The following DST variants were observed in gnomAD, a reference collection of about 807,000 sequenced individuals.
DST encodes the protein dystonin, also known as bullous pemphigoid antigen.
DST carries 253 observed loss-of-function variants against 875.2 expected under a neutral mutation model. The ratio of observed to expected loss-of-function variants is 0.29; its 90% CI spans 0.26 to 0.32. The LOEUF is 0.32. Among genes scored for constraint, DST ranks in the 10% least tolerant of loss-of-function variants. The probability of loss-of-function intolerance (pLI) is 1.00; values close to 1 mark genes in which losing one functional copy is unlikely to be tolerated. For missense variants in DST, 8,287 were observed against 9,111.6 expected, an observed-to-expected ratio of 0.91 and a Z score of 3.68; for synonymous variants, 3,124 against 3,197.1, an observed-to-expected ratio of 0.98 and a Z score of 0.77.
At chr6:56,903,051 G>C (rs929780414) in intron 2 of DST, among the ~76,000 whole-genome samples, 1 of 150,412 alleles carries the variant, frequency 6.6e-6, no homozygotes, top group African/African-American at 2.5e-5. Context: ...CCAGAGTTTA[G>C]TTTGACCACT....
At chr6:56,567,093 G>A (rs2097692263) in intron 55 of DST, among the ~76,000 whole-genome samples, 1 of 152,108 alleles carries the variant, frequency 6.6e-6, no homozygotes, top group South Asian at 2.1e-4. Flanking sequence ...GGAACCAAAG[G>A]TCCATTGCTT....
intron 69 of DST, among the ~76,000 whole-genome samples, chr6:56,520,054 A>C (rs768675124): frequency 5.9e-5 from 9 of 152,218 alleles, no homozygotes; most frequent in Non-Finnish European, 1.2e-4. Context: ...AAGAATATAC[A>C]GTATAAAGAA....
chr6:56,508,558 C>T lies in DST; in HGVS notation c.19210G>A (p.Val6404Ile), dbSNP rs773401291. 1 of 1,613,794 alleles carries T rather than the reference C, an allele frequency of 6.2e-7. No homozygotes were observed. Residue 6404 changes from valine (V) to isoleucine (I), a missense_variant, in exon 75 of 104, where the codon GTA (valine) becomes ATA (isoleucine). Around this residue, in one of 10 missense-constraint regions of DST, gnomAD observed 1,292 missense variants for 1,552.7 expected, o/e 0.83. Transcript: ENST00000680361. Reference protein sequence around the residue: ...DLEDPGIDPSVVKQQQEAAET... With the variant: ...DLEDPGIDPSIVKQQQEAAET... ...GCTGCTTCTTGCTGTTGTTTTACTA[C>T]TGAAGGATCAATTCCAGGATCTTCC...
At chr6:56,801,742 C>A (rs1165490722) in intron 4 of DST, among the ~76,000 whole-genome samples, 1 of 146,990 alleles carries the variant, frequency 6.8e-6, no homozygotes, top group African/African-American at 2.5e-5. Flanking sequence ...ACAAGTCACA[C>A]AATAATTTTT....
chr6:56,546,526 G>A (rs1400589494), intron 61 of DST, among the ~76,000 whole-genome samples: 1 of 148,994 alleles, frequency 6.7e-6, no homozygotes, highest in African/African-American at 2.5e-5. Context: ...TTAAAATACT[G>A]ACAAAAGAAA....
At position 56,563,245 on chromosome 6, in the gene DST, T is replaced by C. The variant is rs555197110; in HGVS notation, c.14006-1045A>G. The stretch of plus-strand genomic sequence containing the variant: ...CTATTTCTCCACATCCTCTCCGGCA[T>C]CTGTTGTTTCCTGACTTTTTAATGA... On this transcript the variant is annotated intron_variant, in intron 55 of 103. Coordinates refer to ENST00000680361, the MANE Select transcript of DST (RefSeq NM_001374736.1). Among the ~76,000 whole-genome samples, 425 of 152,240 alleles carry C rather than the reference T, an allele frequency of 2.8e-3. 1 individual carries two copies. Among genetic ancestry groups the C allele is most frequent in the Non-Finnish European group, 4.1e-3 (281 of 68,006 alleles).
At chr6:56,623,313 C>A (rs2098706876) in intron 36 of DST, among the ~76,000 whole-genome samples, 1 of 152,038 alleles carries the variant, frequency 6.6e-6, no homozygotes, top group Non-Finnish European at 1.5e-5. Flanking sequence ...TATTTAACTA[C>A]TGCATATTCA....
Position 56,604,153 on chromosome 6 carries a change from A to T in DST, c.10475T>A (p.Ile3492Asn), listed in dbSNP as rs1373831636. 6.3e-7 allele frequency: 1 copy of T among 1,590,350 alleles called. No homozygotes were observed. Among genetic ancestry groups the T allele is most frequent in the Non-Finnish European group, 8.6e-7 (1 of 1,166,570 alleles). The change falls in exon 40 of 104, where the codon ATT (isoleucine) becomes AAT (asparagine). Residue 3492 changes from isoleucine to asparagine, a missense_variant. Transcript: ENST00000680361. Reference sequence around the variant, plus strand: ...TCCATCAGCAAGCAGTTTGTAGAAAATATTTTCAAGCTGCAGTGGAAGTAC... The same window carrying T: ...TCCATCAGCAAGCAGTTTGTAGAAATTATTTTCAAGCTGCAGTGGAAGTAC... ...SKVLPLQLEN[I>N]FYKLLADGYS...
At chr6:56,753,432 G>A (rs1247089468) in intron 4 of DST, among the ~76,000 whole-genome samples, 2 of 152,114 alleles carry the variant, frequency 1.3e-5, no homozygotes, top group Non-Finnish European at 2.9e-5. Context: ...ATTGGCTAAA[G>A]CAACAGTCTT....
intron 9 of DST, among the ~76,000 whole-genome samples, chr6:56,672,678 T>C (rs747989755): frequency 6.6e-6 from 1 of 152,052 alleles, no homozygotes; most frequent in African/African-American, 2.4e-5. Flanking sequence ...ACTTGTAAAA[T>C]GATGATGATA....
chr6:56,857,073 A>T (rs1468919538), intron 3 of DST, among the ~76,000 whole-genome samples: 1 of 151,762 alleles, frequency 6.6e-6, no homozygotes, highest in Admixed American at 6.6e-5. Context: ...GTGCAGAGAC[A>T]TGATCATAGC....
intron 98 of DST, 81 bp downstream of exon 98, chr6:56,468,900 GC>G (rs2094727977): frequency 1.7e-6 from 2 of 1,145,916 alleles, no homozygotes; most frequent in Non-Finnish European, 2.5e-6. Flanking sequence ...GGAAAGATTG[GC>G]CATGGCAAGC....
At chr6:56,913,427 T>C (rs935006175) in intron 2 of DST, among the ~76,000 whole-genome samples, 2 of 152,192 alleles carry the variant, frequency 1.3e-5, no homozygotes, top group Non-Finnish European at 2.9e-5. Context: ...AAACTATCAC[T>C]CTTCGGACAA....
intron 61 of DST, among the ~76,000 whole-genome samples, chr6:56,548,439 G>T (rs1016320399): frequency 6.6e-6 from 1 of 152,232 alleles, no homozygotes; most frequent in Non-Finnish European, 1.5e-5. Context: ...CAGAAGACCT[G>T]ATTGGCTGTT....
Position 56,604,443 on chromosome 6 carries a change from T to G in DST, c.10185A>C (p.Thr3395=), listed in dbSNP as rs1435483644. The part of the protein sequence containing the change: ...LIQNLIKRIT[T]SQLVNEASTV... ...TAGATGCCTCATTTACCAACTGTGA[T>G]GTGGTAATCCTTTTAATTAAATTTT... Residue 3395 remains threonine, a synonymous_variant, in exon 40 of 104, where the codon ACA becomes ACC. Transcript: ENST00000680361. The G allele has an allele frequency of 3.7e-6, 6 of 1,609,272 alleles. No homozygotes were observed. The highest frequency in any genetic ancestry group is 5.1e-6 in the Non-Finnish European group (6 of 1,177,220).
chr6:56,460,358 T>C (rs2094265412), intron 102 of DST, 104 bp from the exon 103 acceptor site: 14 of 1,243,484 alleles, frequency 1.1e-5, no homozygotes, highest in Non-Finnish European at 1.6e-5. Flanking sequence ...CTACTATTCC[T>C]CTTTAGGAGG....
At chr6:56,770,616 T>A (rs1046877528) in intron 4 of DST, among the ~76,000 whole-genome samples, 43 of 151,986 alleles carry the variant, frequency 2.8e-4, no homozygotes, top group African/African-American at 1.0e-3. Flanking sequence ...ATAATAAGGG[T>A]TTGAAATGAT....
At chr6:56,865,872 T>C (rs1391780367) in intron 3 of DST, among the ~76,000 whole-genome samples, 2 of 152,232 alleles carry the variant, frequency 1.3e-5, no homozygotes, top group Admixed American at 6.5e-5. Flanking sequence ...TTTTGAGTTT[T>C]ATCATCTTCT....
At position 56,608,969 on chromosome 6, in the gene DST, T is replaced by C. The variant is rs970247825; in HGVS notation, c.5659A>G (p.Thr1887Ala). 1 of 1,613,866 alleles carries C rather than the reference T, an allele frequency of 6.2e-7. No individual in the cohort carries two copies. The highest frequency in any genetic ancestry group is 8.5e-7 in the Non-Finnish European group (1 of 1,179,802). ...TTCTGTAGGGTCAACTGTTCTCCTG[T>C]GGCTGGAATAACCAGAGAGCCTGTA... The part of the protein sequence containing the change: ...LSTGSLVIPA[T>A]GEQLTLQKAF... Residue 1887 changes from threonine (T) to alanine (A), a missense_variant, in exon 40 of 104, where the codon ACA becomes GCA. Transcript: ENST00000680361.
Sources: allele counts gnomAD v4.1 joint callset (sites outside exome capture counted in the v4.1 genomes callset), GRCh38; gene constraint gnomAD v4.1.1; regional missense constraint gnomAD v4.1.1; transcripts MANE v1.5; gene names NCBI Gene and HGNC (gene_info 2026-07-23, HGNC 2026-07-21).